Variants in LOXL4 observed in about 807,000 individuals in gnomAD.
LOXL4 encodes lysyl oxidase like 4, also known as lysyl oxidase homolog 4.
LOXL4 carries 72 observed loss-of-function variants against 89.1 expected under a neutral mutation model. The ratio of observed to expected loss-of-function variants is 0.81; its 90% CI spans 0.67 to 0.98. The LOEUF (loss-of-function observed/expected upper bound fraction) is 0.98, where lower values mean the gene tolerates loss of function less well. Among genes scored for constraint, LOXL4 ranks in the 50% least tolerant of loss-of-function variants. LOXL4 has a pLI of 0.00. For missense variants in LOXL4, 984 were observed against 1,017.5 expected, an observed-to-expected ratio of 0.97 and a Z score of 0.45; for synonymous variants, 355 against 392.1, an observed-to-expected ratio of 0.91 and a Z score of 1.12.
rs1858262255 is a variant in LOXL4 at position 98,253,457 on chromosome 10, G to A, written c.1835+96C>T. ...CAAGGAGAGCGCACACCCCTCCCAG[G>A]AAAACTTGCCTGTGGCCAGGGAAGG... On this transcript the variant is annotated intron_variant, in intron 11 of 14. Coordinates refer to ENST00000260702, the MANE Select transcript of LOXL4 (RefSeq NM_032211.7). 2.6e-6 allele frequency: 4 copies of A among 1,567,934 alleles called. No homozygotes were observed. The Admixed American group carries it at 5.1e-5, about 20-fold the overall frequency.
intron 6 of LOXL4, 33 bp from the exon 7 acceptor site, chr10:98,258,197 A>C (rs1247156487): frequency 6.3e-7 from 1 of 1,582,416 alleles, no homozygotes; most frequent in Non-Finnish European, 8.6e-7. Flanking sequence ...GGGACGGCTG[A>C]GGAGGAGGCA....
intron 1 of LOXL4, among the ~76,000 whole-genome samples, chr10:98,266,875 A>T (rs1858698843): frequency 6.6e-6 from 1 of 152,054 alleles, no homozygotes; most frequent in South Asian, 2.1e-4. Flanking sequence ...CTGACCCCAC[A>T]ACCAGACTCC....
At chr10:98,262,014 G>C (rs1190675445) in intron 3 of LOXL4, 21 bp downstream of exon 3, 1 of 1,593,878 alleles carries the variant, frequency 6.3e-7, no homozygotes, top group South Asian at 1.1e-5. Context: ...GCTCAGACCA[G>C]AGCCTGAACA....
At position 98,264,547 on chromosome 10, in the gene LOXL4, G is replaced by A. The variant is rs80079506; in HGVS notation, c.-32-1496C>T. Among the ~76,000 whole-genome samples, 486 of 151,900 alleles carry A rather than the reference G, an allele frequency of 3.2e-3. 2 individuals are homozygous for A. Among genetic ancestry groups the A allele is most frequent in the African/African-American group, 0.01 (433 of 41,402 alleles). On this transcript the variant is annotated intron_variant, in intron 1 of 14. Coordinates refer to ENST00000260702, the MANE Select transcript of LOXL4 (RefSeq NM_032211.7). ...GAGGGGCCAGGGGAGGGTTTCAGGC[G>A]GTAAACAGAGAGGGCCCCTGTCTCC... is the stretch of plus-strand genomic sequence containing the variant.
intron 11 of LOXL4, among the ~76,000 whole-genome samples, chr10:98,252,750 C>T (rs542137855): frequency 1.4e-4 from 21 of 152,192 alleles, no homozygotes; most frequent in Non-Finnish European, 2.8e-4. Context: ...TGGTGCCTGA[C>T]AGCAAGGCCT....
chr10:98,258,145 C>T lies in LOXL4; in HGVS notation c.941G>A (p.Arg314His), dbSNP rs751041120. ...GCCCTCGCCCACCTGGGCCCCGGAGCGCAGGCGCACCCTCGGCTCCTGCTG... is the reference window on the plus strand; with the variant it reads ...GCCCTCGCCCACCTGGGCCCCGGAGTGCAGGCGCACCCTCGGCTCCTGCTG... ...SWAEEPRVRL[R>H]SGAQVGEGRV... The change falls in exon 7 of 15, where the codon CGC (arginine) becomes CAC (histidine). Residue 314 changes from arginine to histidine, a missense_variant. Physicochemically the swap from Arg to His is conservative, Grantham distance 29 (BLOSUM62 0). Coordinates refer to ENST00000260702, the MANE Select transcript of LOXL4 (RefSeq NM_032211.7). 1.4e-5 allele frequency: 23 copies of T among 1,612,154 alleles called. No individual in the cohort carries two copies. The highest frequency in any genetic ancestry group is 4.0e-5 in the African/African-American group (3 of 74,930).
intron 1 of LOXL4, 110 bp downstream of exon 1, chr10:98,268,022 C>G (rs1174567359): frequency 6.6e-6 from 1 of 152,362 alleles, no homozygotes; most frequent in Non-Finnish European, 1.5e-5. Flanking sequence ...CACCCTAGGC[C>G]CAGTCTCCAG....
rs145267277 is a variant in LOXL4 at position 98,255,567 on chromosome 10, C to T, written c.1591+10G>A. On this transcript the variant is annotated intron_variant, in intron 10 of 14. Coordinates refer to ENST00000260702, the MANE Select transcript of LOXL4 (RefSeq NM_032211.7). ...CCTGTCCCCAGCCCTGTGAGCCCTC[C>T]GTCACTCACTGTCCATGCAGGAGAC... The T allele has an allele frequency of 5.2e-4, 826 of 1,593,802 alleles. 8 individuals are homozygous for T. In the African/African-American group the frequency reaches 8.9e-3, roughly 17 times the overall value.
In LOXL4 at chr10:98,253,577, C is replaced by A. The variant is rs756246382; in HGVS notation, c.1811G>T (p.Ser604Ile). 6 of 1,614,274 alleles carry A rather than the reference C, an allele frequency of 3.7e-6. No individual in the cohort carries two copies. The East Asian group carries it at 1.1e-4, about 30-fold the overall frequency. The change falls in exon 11 of 15, where the codon AGC (serine) becomes ATC (isoleucine). Residue 604 changes from serine to isoleucine, a missense_variant. Ser to Ile is a moderately radical substitution (Grantham distance 142). Coordinates refer to ENST00000260702, the MANE Select transcript of LOXL4 (RefSeq NM_032211.7). ...CCTGTGGCACTGGTGCCAAACCCAG[C>A]TATCGCGTCCAGTCTTTGGACGAAA... The part of the protein sequence containing the change: ...TDFRPKTGRD[S>I]WVWHQCHRHY...
chr10:98,252,495 C>T (rs1223553961), intron 11 of LOXL4, 27 bp from the exon 12 acceptor site: 9 of 1,515,340 alleles, frequency 5.9e-6, no homozygotes, highest in East Asian at 4.5e-5. Flanking sequence ...GCTGTCAGTG[C>T]GGCAGCAACA....
At chr10:98,260,287 C>T (rs1222464401) in intron 4 of LOXL4, among the ~76,000 whole-genome samples, 3 of 152,128 alleles carry the variant, frequency 2.0e-5, no homozygotes, top group Non-Finnish European at 4.4e-5. Flanking sequence ...TTGGGATATT[C>T]GCAGTGGAAT....
chr10:98,259,311 G>A lies in LOXL4; in HGVS notation c.701+80C>T, dbSNP rs1590882082. On this transcript the variant is annotated intron_variant, in intron 5 of 14. Coordinates refer to ENST00000260702, the MANE Select transcript of LOXL4 (RefSeq NM_032211.7). ...AAGGGAGGCCAAGGTAGAAAGGAGGGAAGGGGAGGGTAGGGGATGGGATAG... is the reference window on the plus strand; with the variant it reads ...AAGGGAGGCCAAGGTAGAAAGGAGGAAAGGGGAGGGTAGGGGATGGGATAG... 6.4e-6 allele frequency: 10 copies of A among 1,574,164 alleles called. No individual in the cohort carries two copies. The East Asian group carries it at 1.6e-4, about 25-fold the overall frequency.
chr10:98,249,527 G>T (rs571241121), intron 14 of LOXL4, among the ~76,000 whole-genome samples: 1 of 152,322 alleles, frequency 6.6e-6, no homozygotes, highest in African/African-American at 2.4e-5. Context: ...GCCTAAAGCA[G>T]ATAACGGTTT....
intron 6 of LOXL4, among the ~76,000 whole-genome samples, chr10:98,258,384 G>A (rs904288844): frequency 6.6e-6 from 1 of 151,938 alleles, no homozygotes; most frequent in Non-Finnish European, 1.5e-5. Flanking sequence ...CACCCCCACA[G>A]CCTCATCAAG....
chr10:98,255,090 CT>C (rs35561115), intron 10 of LOXL4, among the ~76,000 whole-genome samples: 92,092 of 152,104 alleles, frequency 0.61, 28,746 homozygotes, highest in East Asian at 0.77. Flanking sequence ...GTCCCAAAGT[CT>C]TTTTGGGTAA....
chr10:98,253,658 C>T lies in LOXL4; in HGVS notation c.1730G>A (p.Gly577Glu), dbSNP rs771449314. Residue 577 changes from glycine (G) to glutamate (E), a missense_variant, in exon 11 of 15, where the codon GGA becomes GAA. Coordinates refer to ENST00000260702, the MANE Select transcript of LOXL4 (RefSeq NM_032211.7). The stretch of plus-strand genomic sequence containing the variant: ...GGAGAAGCGCAATAGGCGGCGGTAT[C>T]CGTAGGGCCAGTCCATGTGATCCGC... ...KSADHMDWPY[G>E]YRRLLRFSTQ... 6.2e-7 allele frequency: 1 copy of T among 1,614,130 alleles called. No homozygotes were observed. The highest frequency in any genetic ancestry group is 8.5e-7 in the Non-Finnish European group (1 of 1,180,056).
rs1387653124 is a variant in LOXL4 at position 98,253,770 on chromosome 10, G to A, written c.1618C>T (p.Gln540Ter). The A allele has an allele frequency of 6.2e-7, 1 of 1,614,098 alleles. No individual in the cohort carries two copies. The highest frequency in any genetic ancestry group is 1.1e-5 in the South Asian group (1 of 91,066). The change falls in exon 11 of 15, where the codon CAG becomes TAG. Residue 540 changes from glutamine (Q) to a stop codon, truncating the protein, a stop_gained. Coordinates refer to ENST00000260702, the MANE Select transcript of LOXL4 (RefSeq NM_032211.7). LOFTEE classifies it high-confidence loss of function. ...DSAPDLVMNA[Q>*]LVQETAYLED... Reference sequence around the variant, plus strand: ...AAGTAGGCCGTCTCCTGCACTAGCTGGGCGTTCATCACCAGGTCTGGTGCA... The same window carrying A: ...AAGTAGGCCGTCTCCTGCACTAGCTAGGCGTTCATCACCAGGTCTGGTGCA...
At chr10:98,256,437 G>C in intron 9 of LOXL4, 1 of 336,820 alleles carries the variant, frequency 3.0e-6, no homozygotes, top group South Asian at 3.6e-5. Flanking sequence ...ACTCTCGAGA[G>C]AGAGCCACAC....
rs374615564 is a variant in LOXL4 at position 98,251,693 on chromosome 10, C to T, written c.1961G>A (p.Arg654Gln). The T allele has an allele frequency of 3.3e-5, 53 of 1,614,036 alleles. No homozygotes were observed. The African/African-American group carries it at 3.9e-4, about 12-fold the overall frequency. ...EDTNCPTGLQ[R>Q]RYACANFGEQ... is the part of the protein sequence containing the mutation. Reference sequence around the variant, plus strand: ...TCCAAAGTTGGCACATGCGTAGCGCCGCTGCAGTCCTGTAAGGAAGGGGAC... The same window carrying T: ...TCCAAAGTTGGCACATGCGTAGCGCTGCTGCAGTCCTGTAAGGAAGGGGAC... The change falls in exon 13 of 15, where the codon CGG (arginine) becomes CAG (glutamine). Residue 654 changes from arginine to glutamine, a missense_variant. Transcript: ENST00000260702.
Sources: allele counts gnomAD v4.1 joint callset (sites outside exome capture counted in the v4.1 genomes callset), GRCh38; gene constraint gnomAD v4.1.1; transcripts MANE v1.5; gene names NCBI Gene and HGNC (gene_info 2026-07-23, HGNC 2026-07-21).